Variants in HS6ST3 observed in about 807,000 individuals in gnomAD.
The protein encoded by HS6ST3 is heparan-sulfate 6-O-sulfotransferase 3.
In HS6ST3, 12 loss-of-function variants were observed where a neutral mutation model predicts 36.7. The observed-to-expected ratio is 0.33, with a 90% CI of 0.21 to 0.53. The LOEUF (loss-of-function observed/expected upper bound fraction) is 0.53, where lower values mean the gene tolerates loss of function less well. HS6ST3 is among the 20% of genes least tolerant of loss of function. HS6ST3 has a pLI of 0.95. For missense variants in HS6ST3, 584 were observed against 640.9 expected (o/e 0.91, Z 0.96); for synonymous variants, 240 against 257.5 (o/e 0.93, Z 0.65).
At chr13:96,688,325 C>T (rs939694442) in intron 1 of HS6ST3, among the ~76,000 whole-genome samples, 10 of 151,774 alleles carry the variant, frequency 6.6e-5, no homozygotes, top group Admixed American at 1.3e-4. Flanking sequence ...GCCAAGGGAG[C>T]GTGGATGAAT....
At chr13:96,823,542 A>G (rs942900634) in intron 1 of HS6ST3, among the ~76,000 whole-genome samples, 3 of 152,180 alleles carry the variant, frequency 2.0e-5, no homozygotes, top group African/African-American at 7.2e-5. Flanking sequence ...CATATTTATA[A>G]CTTTAAATAA....
At chr13:96,663,865 A>G (rs1440504599) in intron 1 of HS6ST3, among the ~76,000 whole-genome samples, 1 of 152,216 alleles carries the variant, frequency 6.6e-6, no homozygotes, top group Non-Finnish European at 1.5e-5. Flanking sequence ...AAGTGAAAGA[A>G]GCCACACAAA....
chr13:96,534,437 G>T (rs1006084546), intron 1 of HS6ST3, among the ~76,000 whole-genome samples: 2 of 152,152 alleles, frequency 1.3e-5, no homozygotes, highest in Non-Finnish European at 2.9e-5. Flanking sequence ...GTTTTAAATG[G>T]TGTATTTAAT....
At chr13:96,827,148 C>T (rs949242703) in intron 1 of HS6ST3, among the ~76,000 whole-genome samples, 1 of 152,164 alleles carries the variant, frequency 6.6e-6, no homozygotes, top group Non-Finnish European at 1.5e-5. Context: ...TTACCAAAAT[C>T]ACGGGGTGCC....
At chr13:96,320,292 A>G (rs961037074) in intron 1 of HS6ST3, among the ~76,000 whole-genome samples, 1 of 152,138 alleles carries the variant, frequency 6.6e-6, no homozygotes, top group Admixed American at 6.5e-5. Context: ...CTTCTTGTTC[A>G]CAGCTCCAAG....
intron 1 of HS6ST3, among the ~76,000 whole-genome samples, chr13:96,255,664 C>G (rs780286330): frequency 6.6e-6 from 1 of 152,130 alleles, no homozygotes; most frequent in Non-Finnish European, 1.5e-5. Flanking sequence ...TGGAGACTTA[C>G]CAACTTCCAT....
chr13:96,164,162 A>G (rs1351331578), intron 1 of HS6ST3, among the ~76,000 whole-genome samples: 1 of 152,210 alleles, frequency 6.6e-6, no homozygotes, highest in Non-Finnish European at 1.5e-5. Context: ...GCCCATGAGA[A>G]TAAGCCATCT....
intron 1 of HS6ST3, among the ~76,000 whole-genome samples, chr13:96,455,554 C>G (rs2055750852): frequency 6.6e-6 from 1 of 152,094 alleles, no homozygotes; most frequent in African/African-American, 2.4e-5. Flanking sequence ...GTATCAGTCT[C>G]TCTATCACTT....
In HS6ST3 at chr13:96,434,801, A is replaced by G. The variant is rs1477930175; in HGVS notation, c.707+343232A>G. On this transcript the variant is annotated intron_variant, in intron 1 of 1. Transcript: ENST00000376705. ...ATCATCATTTTCTGATCTGTACACTAATACTTTTGTTCATTTTTTATCCTC... is the reference window on the plus strand; with the variant it reads ...ATCATCATTTTCTGATCTGTACACTGATACTTTTGTTCATTTTTTATCCTC... Among the ~76,000 whole-genome samples, 4 of 151,918 alleles carry G rather than the reference A, an allele frequency of 2.6e-5. No individual in the cohort carries two copies. In the East Asian group the frequency reaches 7.7e-4, roughly 29 times the overall value.
chr13:96,252,317 G>C (rs1202569623), intron 1 of HS6ST3, among the ~76,000 whole-genome samples: 3 of 152,228 alleles, frequency 2.0e-5, no homozygotes, highest in Non-Finnish European at 4.4e-5. Flanking sequence ...TGAAGAAGGA[G>C]TCATTTCCTC....
rs1381753481 is a variant in HS6ST3, at chr13:96,311,175, T to G, written c.707+219606T>G. Among the ~76,000 whole-genome samples the G allele has an allele frequency of 2.0e-5, 3 of 152,196 alleles. No individual in the cohort carries two copies. The East Asian group carries it at 5.8e-4, about 29-fold the overall frequency. ...CATTTATGAAAAGAATCCTGGTATG[T>G]GCATAGCCATGTAAGCCATCAGTAA... On this transcript the variant is annotated intron_variant, in intron 1 of 1. Coordinates refer to ENST00000376705, the MANE Select transcript of HS6ST3 (RefSeq NM_153456.4).
intron 1 of HS6ST3, among the ~76,000 whole-genome samples, chr13:96,237,011 A>G (rs9525163): frequency 0.23 from 34,706 of 152,204 alleles, 4,893 homozygotes; most frequent in Admixed American, 0.32. Flanking sequence ...TTCACAGGGC[A>G]GCAGTAGAGA....
At chr13:96,550,293 C>G (rs928544038) in intron 1 of HS6ST3, among the ~76,000 whole-genome samples, 1 of 152,026 alleles carries the variant, frequency 6.6e-6, no homozygotes, top group African/African-American at 2.4e-5. Flanking sequence ...GCCTGGAACC[C>G]CCTTCTTTCT....
At position 96,157,119 on chromosome 13, in the gene HS6ST3, T is replaced by A. The variant is rs116612415; in HGVS notation, c.707+65550T>A. Among the ~76,000 whole-genome samples, 576 of 152,376 alleles carry A rather than the reference T, an allele frequency of 3.8e-3. 5 individuals carry two copies. Among genetic ancestry groups the A allele is most frequent in the African/African-American group, 0.013 (525 of 41,592 alleles). ...TACCTTGCAGGGCTCTGATGAGCATTAAAGTCAGATAATAAGGTCTTTAAT... is the reference window on the plus strand; with the variant it reads ...TACCTTGCAGGGCTCTGATGAGCATAAAAGTCAGATAATAAGGTCTTTAAT... On this transcript the variant is annotated intron_variant, in intron 1 of 1. Coordinates refer to ENST00000376705, the MANE Select transcript of HS6ST3 (RefSeq NM_153456.4).
intron 1 of HS6ST3, among the ~76,000 whole-genome samples, chr13:96,128,872 G>A (rs1316140909): frequency 6.9e-6 from 1 of 145,422 alleles, no homozygotes; most frequent in Non-Finnish European, 1.5e-5. Flanking sequence ...TTTTGGCGGA[G>A]TTTTGCTCTT....
At chr13:96,291,446 T>C (rs2054829485) in intron 1 of HS6ST3, among the ~76,000 whole-genome samples, 1 of 152,152 alleles carries the variant, frequency 6.6e-6, no homozygotes, top group South Asian at 2.1e-4. Flanking sequence ...GGAACTGCCA[T>C]GTTCTTGAAT....
At chr13:96,525,795 C>T (rs1048949818) in intron 1 of HS6ST3, among the ~76,000 whole-genome samples, 1 of 152,206 alleles carries the variant, frequency 6.6e-6, no homozygotes, top group African/African-American at 2.4e-5. Context: ...ACTTGTTCTA[C>T]AGCTACTTAC....
chr13:96,408,791 TG>T (rs1392170952), intron 1 of HS6ST3, among the ~76,000 whole-genome samples: 1 of 151,846 alleles, frequency 6.6e-6, no homozygotes, highest in African/African-American at 2.4e-5. Context: ...GGCATGGTGG[TG>T]GGGGCCTGTA....
At chr13:96,821,008 C>T (rs1373773332) in intron 1 of HS6ST3, among the ~76,000 whole-genome samples, 3 of 152,214 alleles carry the variant, frequency 2.0e-5, no homozygotes, top group East Asian at 3.9e-4. Context: ...ATTACTACAG[C>T]TTTTGGCTTC....
Sources: gnomAD v4.1 joint callset for allele counts (sites outside exome capture counted in the v4.1 genomes callset) on GRCh38, gnomAD v4.1.1 for gene constraint, MANE v1.5 for transcripts, NCBI Gene and HGNC (gene_info 2026-07-23, HGNC 2026-07-21) for gene names.